Variants in OSBPL8 observed in about 807,000 individuals in gnomAD.
OSBPL8 encodes the protein oxysterol binding protein like 8.
In OSBPL8, 59 loss-of-function variants were observed where a neutral mutation model predicts 125.5. The ratio of observed to expected loss-of-function variants is 0.47; its 90% CI spans 0.38 to 0.58. The LOEUF (loss-of-function observed/expected upper bound fraction) is 0.58, where lower values mean the gene tolerates loss of function less well. Ranked by LOEUF, OSBPL8 falls within the 20% of genes least tolerant of loss-of-function variation. The pLI, the probability that OSBPL8 is intolerant of heterozygous loss-of-function variation, is 0.00. For synonymous variants in OSBPL8, 330 were observed against 338.9 expected (o/e 0.97, Z 0.29); for missense variants, 758 against 1,047.8 (o/e 0.72, Z 3.82).
chr12:76,537,447 T>C (rs78909964), intron 1 of OSBPL8, among the ~76,000 whole-genome samples: 2,810 of 152,326 alleles, frequency 0.018, 39 homozygotes, highest in Admixed American at 0.027. Flanking sequence ...ATTTTGCTTA[T>C]AGAACAGTGT....
chr12:76,549,336 C>A (rs1347408621), intron 1 of OSBPL8, among the ~76,000 whole-genome samples: 1 of 152,132 alleles, frequency 6.6e-6, no homozygotes, highest in Non-Finnish European at 1.5e-5. Flanking sequence ...GTAGAAGATA[C>A]AAAAGAACGG....
chr12:76,502,266 A>G (rs955582796), intron 1 of OSBPL8, among the ~76,000 whole-genome samples: 1 of 152,204 alleles, frequency 6.6e-6, no homozygotes, highest in African/African-American at 2.4e-5. Context: ...TATTACCCCT[A>G]TTGATCCACT....
chr12:76,461,407 T>C (rs1874712411), intron 2 of OSBPL8, among the ~76,000 whole-genome samples: 1 of 152,074 alleles, frequency 6.6e-6, no homozygotes, highest in Non-Finnish European at 1.5e-5. Context: ...CACCACTAAG[T>C]GAACTTGGAA....
rs912554875 is a variant in OSBPL8, at chr12:76,460,495, C to CAA, written c.43-602_43-601dup. 2.5e-3 allele frequency among the ~76,000 whole-genome samples: 175 copies of CAA among 69,368 alleles called. 1 individual carries two copies. Among genetic ancestry groups the CAA allele is most frequent in the African/African-American group, 6.9e-3 (162 of 23,336 alleles). 45.5% of individuals were successfully genotyped at this position (69,368 alleles called of 152,430 possible). A position where few individuals can be genotyped will look rare whatever the true frequency, so the allele number is the denominator to read the frequency against. On this transcript the variant is annotated intron_variant, in intron 2 of 23. Coordinates refer to ENST00000261183, the MANE Select transcript of OSBPL8 (RefSeq NM_020841.5). The stretch of plus-strand genomic sequence containing the variant: ...GTAGAACAAATTCTTTCTCAATTGG[C>CAA]AAAAAAAAAAAAAAAAAGAGAAACA...
intron 4 of OSBPL8, among the ~76,000 whole-genome samples, chr12:76,420,227 T>C (rs538032088): frequency 1.3e-4 from 20 of 152,186 alleles, no homozygotes; most frequent in African/African-American, 3.8e-4. Context: ...CTATATTGAA[T>C]ACAGCCAAGA....
chr12:76,497,851 A>C (rs1565945833), intron 1 of OSBPL8, among the ~76,000 whole-genome samples: 1 of 152,332 alleles, frequency 6.6e-6, no homozygotes, highest in East Asian at 1.9e-4. Flanking sequence ...AACTTGTACA[A>C]GCAGTAGTGT....
chr12:76,513,102 G>A (rs1881169478), intron 1 of OSBPL8, among the ~76,000 whole-genome samples: 1 of 152,204 alleles, frequency 6.6e-6, no homozygotes, highest in South Asian at 2.1e-4. Flanking sequence ...GTAATTGCAT[G>A]GTTTTGAGGA....
intron 4 of OSBPL8, among the ~76,000 whole-genome samples, chr12:76,432,924 A>G (rs1279736276): frequency 6.6e-6 from 1 of 152,218 alleles, no homozygotes; most frequent in Non-Finnish European, 1.5e-5. Context: ...GTCAAATGGC[A>G]TGCAAGGATG....
intron 5 of OSBPL8, among the ~76,000 whole-genome samples, chr12:76,407,981 G>A (rs1044701582): frequency 6.6e-6 from 1 of 151,900 alleles, no homozygotes; most frequent in East Asian, 1.9e-4. Context: ...TGTTATGAAC[G>A]TTAAAATGGC....
At chr12:76,375,949 TGTTA>T (rs1332623504) in intron 16 of OSBPL8, among the ~76,000 whole-genome samples, 1 of 152,202 alleles carries the variant, frequency 6.6e-6, no homozygotes, top group East Asian at 1.9e-4. Flanking sequence ...TTCTGTTGGC[TGTTA>T]GTTCAATGTT....
chr12:76,368,957 C>A (rs1316554075), intron 21 of OSBPL8, among the ~76,000 whole-genome samples: 1 of 152,156 alleles, frequency 6.6e-6, no homozygotes, highest in Non-Finnish European at 1.5e-5. Context: ...TGCCACAAAG[C>A]TTTCCTCTCT....
At chr12:76,394,755 A>G (rs780415670) in intron 8 of OSBPL8, 26 bp from the exon 9 acceptor site, 2 of 1,515,792 alleles carry the variant, frequency 1.3e-6, no homozygotes, top group East Asian at 4.5e-5. Context: ...AACAAAATAA[A>G]TGGTATAGAG....
At chr12:76,509,896 G>T (rs7980187) in intron 1 of OSBPL8, among the ~76,000 whole-genome samples, 30,946 of 152,016 alleles carry the variant, frequency 0.2, 3,378 homozygotes, top group Non-Finnish European at 0.26. Context: ...AAATATAAGG[G>T]AAAAGGAGAG....
intron 1 of OSBPL8, among the ~76,000 whole-genome samples, chr12:76,518,946 C>G (rs1592839117): frequency 6.6e-6 from 1 of 152,212 alleles, no homozygotes; most frequent in Non-Finnish European, 1.5e-5. Flanking sequence ...CTTTCAAGGT[C>G]TTTTTCCCAT....
At chr12:76,405,797 C>A (rs1954237168) in intron 5 of OSBPL8, among the ~76,000 whole-genome samples, 1 of 152,144 alleles carries the variant, frequency 6.6e-6, no homozygotes, top group African/African-American at 2.4e-5. Context: ...CCTTCATAAA[C>A]TTTATTGACC....
chr12:76,363,440 G>A (rs932487499), intron 21 of OSBPL8, among the ~76,000 whole-genome samples: 1 of 152,170 alleles, frequency 6.6e-6, no homozygotes, highest in Non-Finnish European at 1.5e-5. Context: ...ACAGGGTTGG[G>A]AAAACTGGCT....
chr12:76,485,525 T>C (rs1429032415), intron 2 of OSBPL8, among the ~76,000 whole-genome samples: 2 of 152,136 alleles, frequency 1.3e-5, no homozygotes, highest in Non-Finnish European at 2.9e-5. Context: ...TGAGCAGAGA[T>C]CACGCCACCG....
At chr12:76,488,721 A>G (rs893049038) in intron 1 of OSBPL8, among the ~76,000 whole-genome samples, 2 of 152,052 alleles carry the variant, frequency 1.3e-5, no homozygotes, top group Non-Finnish European at 2.9e-5. Context: ...CCATTCTCCC[A>G]TTTTCTCTTT....
intron 1 of OSBPL8, among the ~76,000 whole-genome samples, chr12:76,548,413 T>C (rs1950842554): frequency 6.6e-6 from 1 of 152,056 alleles, no homozygotes; most frequent in Non-Finnish European, 1.5e-5. Context: ...AAATAAATAG[T>C]AGGGTTAAAA....
Sources: gnomAD v4.1 joint callset for allele counts (sites outside exome capture counted in the v4.1 genomes callset) on GRCh38, gnomAD v4.1.1 for gene constraint, MANE v1.5 for transcripts, NCBI Gene and HGNC (gene_info 2026-07-23, HGNC 2026-07-21) for gene names.